The following VIT variants were observed in gnomAD, a reference collection of about 807,000 sequenced individuals.
The protein encoded by VIT is vitrin.
A neutral mutation model predicts 78.0 loss-of-function variants in VIT; 99 were observed. The ratio of observed to expected loss-of-function variants is 1.27; its 90% CI spans 1.08 to 1.50. The LOEUF (loss-of-function observed/expected upper bound fraction) is 1.50. Ranked by LOEUF, VIT falls within the 40% of genes most tolerant of loss-of-function variation. The pLI is 0.00. For synonymous variants in VIT, 374 were observed against 334.3 expected (o/e 1.12, Z -1.29); for missense variants, 1,126 against 875.3 (o/e 1.29, Z -3.61).
intron 12 of VIT, among the ~76,000 whole-genome samples, chr2:36,797,582 G>A (rs540072720): frequency 3.9e-5 from 6 of 152,120 alleles, no homozygotes; most frequent in Non-Finnish European, 7.4e-5. Flanking sequence ...CTTCAGGTTT[G>A]GAAATATCTA....
At chr2:36,761,572 C>G (rs565736626) in intron 6 of VIT, among the ~76,000 whole-genome samples, 147 of 152,122 alleles carry the variant, frequency 9.7e-4, no homozygotes, top group Non-Finnish European at 1.4e-3. Flanking sequence ...AACTCCGTCT[C>G]TACTAAAAAT....
At chr2:36,760,277 G>C (rs542296345) in intron 6 of VIT, among the ~76,000 whole-genome samples, 89 of 152,282 alleles carry the variant, frequency 5.8e-4, no homozygotes, top group African/African-American at 2.1e-3. Context: ...ACAGGCATGA[G>C]CCACTGTTCC....
chr2:36,779,588 T>C (rs752222061), intron 9 of VIT, among the ~76,000 whole-genome samples: 1 of 152,126 alleles, frequency 6.6e-6, no homozygotes, highest in Non-Finnish European at 1.5e-5. Context: ...AAACCCAGCA[T>C]CCATTAGCTA....
chr2:36,734,520 G>A (rs1352770428), intron 3 of VIT, among the ~76,000 whole-genome samples: 3 of 152,158 alleles, frequency 2.0e-5, no homozygotes, highest in Non-Finnish European at 4.4e-5. Flanking sequence ...TTGCCTGGTA[G>A]CAGATAAGGG....
intron 11 of VIT, among the ~76,000 whole-genome samples, chr2:36,786,881 C>A (rs1331331583): frequency 6.6e-6 from 1 of 152,202 alleles, no homozygotes; most frequent in African/African-American, 2.4e-5. Context: ...CTTCTGAAAC[C>A]CATAATTGTG....
chr2:36,797,097 CA>C (rs1323288625), intron 12 of VIT, among the ~76,000 whole-genome samples: 5 of 122,190 alleles, frequency 4.1e-5, no homozygotes, highest in Non-Finnish European at 5.5e-5. Context: ...TTGTTTCAAC[CA>C]ATTTTTTTTT....
chr2:36,702,416 T>TAA (rs1553358428), intron 1 of VIT, among the ~76,000 whole-genome samples: 28 of 151,458 alleles, frequency 1.8e-4, no homozygotes, highest in Middle Eastern at 3.4e-3. Context: ...TTTTTTTTTT[T>TAA]AAAAAAGACC....
At chr2:36,746,808 G>T (rs747849845) in intron 4 of VIT, among the ~76,000 whole-genome samples, 2 of 151,926 alleles carry the variant, frequency 1.3e-5, no homozygotes, top group African/African-American at 2.4e-5. Context: ...ATTCAGTTCT[G>T]CTCTAATTTT....
At chr2:36,711,418 A>G (rs906414724) in intron 1 of VIT, among the ~76,000 whole-genome samples, 2 of 152,168 alleles carry the variant, frequency 1.3e-5, no homozygotes, top group South Asian at 4.1e-4. Flanking sequence ...CAACCTGCAG[A>G]TTGTCTTAGA....
At chr2:36,713,555 T>C (rs1665939134) in intron 1 of VIT, among the ~76,000 whole-genome samples, 1 of 152,260 alleles carries the variant, frequency 6.6e-6, no homozygotes, top group African/African-American at 2.4e-5. Context: ...GGCTGCTCTG[T>C]GGACTGCAGA....
intron 13 of VIT, among the ~76,000 whole-genome samples, 190 bp downstream of exon 13, chr2:36,801,594 G>A (rs1666332330): frequency 6.6e-6 from 1 of 152,114 alleles, no homozygotes; most frequent in Non-Finnish European, 1.5e-5. Context: ...GATCACTTGA[G>A]GTCAGGAATT....
intron 1 of VIT, among the ~76,000 whole-genome samples, chr2:36,715,031 T>G (rs1338658731): frequency 6.6e-6 from 1 of 152,158 alleles, no homozygotes; most frequent in Non-Finnish European, 1.5e-5. Context: ...TGGAGCCACT[T>G]CTCTCCTATT....
At chr2:36,724,489 A>G (rs1352030911) in intron 2 of VIT, among the ~76,000 whole-genome samples, 1 of 152,144 alleles carries the variant, frequency 6.6e-6, no homozygotes, top group Non-Finnish European at 1.5e-5. Context: ...TCTCTTCCCC[A>G]ACTTCAACAT....
chr2:36,798,409 T>G (rs1208625400), intron 12 of VIT, among the ~76,000 whole-genome samples: 1 of 152,188 alleles, frequency 6.6e-6, no homozygotes, highest in East Asian at 1.9e-4. Context: ...GGATGGGGGC[T>G]GATGGGCTGT....
At chr2:36,758,301 T>G (rs1177278384) in intron 5 of VIT, among the ~76,000 whole-genome samples, 1 of 152,240 alleles carries the variant, frequency 6.6e-6, no homozygotes, top group Non-Finnish European at 1.5e-5. Flanking sequence ...GCTTACTGTA[T>G]TCCAGTGGCA....
chr2:36,705,693 G>A (rs1166183818), intron 1 of VIT, among the ~76,000 whole-genome samples: 2 of 152,116 alleles, frequency 1.3e-5, no homozygotes, highest in Admixed American at 6.5e-5. Context: ...CTGGAGAAGG[G>A]GATACACATT....
intron 6 of VIT, among the ~76,000 whole-genome samples, chr2:36,766,074 A>G (rs1031498584): frequency 2.6e-5 from 4 of 152,244 alleles, no homozygotes; most frequent in Admixed American, 2.0e-4. Flanking sequence ...ACAAACCCCA[A>G]TGCCCAGTGG....
chr2:36,724,042 G>C (rs1666682837), intron 2 of VIT, among the ~76,000 whole-genome samples: 1 of 149,376 alleles, frequency 6.7e-6, no homozygotes, highest in South Asian at 2.1e-4. Context: ...TTTTCCCACA[G>C]AATTTCACTC....
intron 10 of VIT, 119 bp from the exon 11 acceptor site, chr2:36,783,221 G>C (rs899347836): frequency 3.6e-6 from 3 of 831,906 alleles, no homozygotes; most frequent in African/African-American, 3.4e-5. Flanking sequence ...AAAAAGCACA[G>C]TTAGCTTTAA....
Sources: gnomAD v4.1 joint callset for allele counts (sites outside exome capture counted in the v4.1 genomes callset) on GRCh38, gnomAD v4.1.1 for gene constraint, MANE v1.5 for transcripts, NCBI Gene and HGNC (gene_info 2026-07-23, HGNC 2026-07-21) for gene names.